ZNF469: variants seen among roughly 807,000 people sequenced by gnomAD.
The protein encoded by ZNF469 is zinc finger protein 469.
In ZNF469, 1 loss-of-function variant was observed where a neutral mutation model predicts 1.0. That is an observed-to-expected ratio of 1.00 (90% CI 0.35 to 4.73). The LOEUF (loss-of-function observed/expected upper bound fraction) is 4.73, where lower values mean the gene tolerates loss of function less well. ZNF469 is among the 30% of genes most tolerant of loss of function. The pLI is 0.16. For missense variants in ZNF469, 6,100 were observed against 5,356.3 expected, an observed-to-expected ratio of 1.14 and a Z score of -4.33; for synonymous variants, 2,703 against 2,363.4, an observed-to-expected ratio of 1.14 and a Z score of -4.17.
At chr16:88,209,667 T>C in the ZNF469 span, among the ~76,000 whole-genome samples, 1 of 152,200 alleles carries the variant, frequency 6.6e-6, no homozygotes, top group South Asian at 2.1e-4. Context: ...ATGTTAGAGA[T>C]AGTCTTTTAC....
upstream of ZNF469, among the ~76,000 whole-genome samples, chr16:88,379,950 G>T (rs915731154): frequency 2.0e-5 from 3 of 152,176 alleles, no homozygotes; most frequent in Non-Finnish European, 4.4e-5. Context: ...TGTGAGCATG[G>T]ACTCTGAGTG....
the ZNF469 span, among the ~76,000 whole-genome samples, chr16:88,117,175 A>ATGTGAGGGCCGGGGATG: frequency 1.8e-5 from 1 of 55,060 alleles, no homozygotes; most frequent in African/African-American, 4.1e-5. Context: ...AACTGGGGGC[A>ATGTGAGGGCCGGGGATG]TGTGAGGGCC....
the ZNF469 span, among the ~76,000 whole-genome samples, chr16:88,249,429 CTTTTTTTTTTTTT>C: frequency 1.4e-4 from 9 of 63,634 alleles, no homozygotes; most frequent in African/African-American, 1.7e-4. Flanking sequence ...TTTTCTTTTT[CTTTTTTTTTTTTT>C]TTTTTTTTTT....
the ZNF469 span, among the ~76,000 whole-genome samples, chr16:88,300,046 G>A: frequency 6.6e-6 from 1 of 152,224 alleles, no homozygotes; most frequent in African/African-American, 2.4e-5. Context: ...ATTTGCGGAT[G>A]AGGAAGGAAC....
At chr16:88,192,841 A>G in the ZNF469 span, among the ~76,000 whole-genome samples, 10 of 52,956 alleles carry the variant, frequency 1.9e-4, no homozygotes, top group Non-Finnish European at 3.4e-4. Flanking sequence ...GGTGATGACA[A>G]TGATGATAAT....
upstream of ZNF469, among the ~76,000 whole-genome samples, chr16:88,381,793 T>C (rs2092526007): frequency 6.6e-6 from 1 of 152,202 alleles, no homozygotes; most frequent in Non-Finnish European, 1.5e-5. Flanking sequence ...CCCACTGCCA[T>C]GTGCAGTTCC....
chr16:88,202,542 G>A, the ZNF469 span, among the ~76,000 whole-genome samples: 5 of 152,208 alleles, frequency 3.3e-5, no homozygotes, highest in Non-Finnish European at 7.3e-5. Context: ...CTCCCAGGCA[G>A]ACCCAGGGCG....
the ZNF469 span, among the ~76,000 whole-genome samples, chr16:88,217,198 T>G: frequency 6.6e-6 from 1 of 152,240 alleles, no homozygotes; most frequent in Non-Finnish European, 1.5e-5. Context: ...CAGCTGATGC[T>G]ATTTTCCCAC....
chr16:88,409,644 C>T (rs1455260080), intron 1 of ZNF469, among the ~76,000 whole-genome samples: 1 of 152,196 alleles, frequency 6.6e-6, no homozygotes, highest in Non-Finnish European at 1.5e-5. Context: ...GCTATATGAG[C>T]GTGTGCACTC....
the ZNF469 span, among the ~76,000 whole-genome samples, chr16:88,231,110 C>A: frequency 1.3e-5 from 2 of 152,308 alleles, no homozygotes; most frequent in East Asian, 1.9e-4. This position sits in a 1 kb window ranked among gnomAD's most constrained non-coding sequence, Gnocchi z 4.5. Context: ...GACGGTGGCT[C>A]CTGGTGGTCA....
intron 1 of ZNF469, among the ~76,000 whole-genome samples, chr16:88,383,841 C>A (rs1459178494): frequency 6.6e-6 from 1 of 152,176 alleles, no homozygotes; most frequent in African/African-American, 2.4e-5. Context: ...GCCGCACCCC[C>A]GCCCAGCCCC....
the ZNF469 span, among the ~76,000 whole-genome samples, chr16:88,254,839 CAA>C: frequency 7.0e-6 from 1 of 143,246 alleles, no homozygotes. Flanking sequence ...TCGACTTCCA[CAA>C]AAAAAAAAAT....
Position 88,409,802 on chromosome 16 carries a change from A to G in ZNF469, c.-191-15005A>G, listed in dbSNP as rs981101770. 2.0e-5 allele frequency among the ~76,000 whole-genome samples: 3 copies of G among 147,104 alleles called. No homozygotes were observed. The Admixed American group carries it at 2.1e-4, about 10-fold the overall frequency. Reference sequence around the variant, plus strand: ...CAGGCAGCTTGGGCAGAGTGATCAGAGGTCCTCGCTCAGTGGCCTGTGAGC... The same window carrying G: ...CAGGCAGCTTGGGCAGAGTGATCAGGGGTCCTCGCTCAGTGGCCTGTGAGC... On this transcript the variant is annotated intron_variant, in intron 1 of 2. Coordinates refer to ENST00000565624, the MANE Select transcript of ZNF469 (RefSeq NM_001367624.2).
rs886052393 is a variant in ZNF469 at position 88,429,352 on chromosome 16, C to T, written c.1882C>T (p.Pro628Ser). The T allele has an allele frequency of 2.6e-6, 4 of 1,549,700 alleles. No individual in the cohort carries two copies. The highest frequency in any genetic ancestry group is 2.0e-5 in the Admixed American group (1 of 50,974). ...PSSEESQLPG[P>S]LGPSAFFHPP... ...CTCAGAGGAAAGCCAGCTCCCCGGC[C>T]CCCTCGGGCCCTCGGCCTTCTTCCA... The change falls in exon 3 of 3, where the codon CCC becomes TCC. Residue 628 changes from proline (P) to serine (S), a missense_variant. Transcript: ENST00000565624.
chr16:88,292,425 C>T, the ZNF469 span, among the ~76,000 whole-genome samples: 1 of 152,160 alleles, frequency 6.6e-6, no homozygotes, highest in East Asian at 1.9e-4. Context: ...CCTCCACCCT[C>T]CCATCTATGA....
chr16:88,137,765 GCTT>G, the ZNF469 span, among the ~76,000 whole-genome samples: 1 of 152,234 alleles, frequency 6.6e-6, no homozygotes, highest in Admixed American at 6.5e-5. Flanking sequence ...TAGAGGAAGA[GCTT>G]CTTTACAACT....
chr16:88,329,413 C>G, the ZNF469 span, among the ~76,000 whole-genome samples: 5 of 152,240 alleles, frequency 3.3e-5, no homozygotes, highest in African/African-American at 7.2e-5. Context: ...CGCTGCCTAG[C>G]GGAAGCCCCC....
chr16:88,399,967 C>T (rs527997512), intron 1 of ZNF469, among the ~76,000 whole-genome samples: 22 of 152,332 alleles, frequency 1.4e-4, no homozygotes, highest in Admixed American at 1.4e-3. Flanking sequence ...GCGGGTCACT[C>T]CACCTCCCTG....
At chr16:88,364,922 G>A in the ZNF469 span, among the ~76,000 whole-genome samples, 2 of 152,126 alleles carry the variant, frequency 1.3e-5, no homozygotes, top group South Asian at 2.1e-4. Flanking sequence ...CCAAGATCAC[G>A]CCACTGCACT....
Sources: gnomAD v4.1 joint callset for allele counts (sites outside exome capture counted in the v4.1 genomes callset) on GRCh38, gnomAD v4.1.1 for gene constraint, Gnocchi (gnomAD v3.1) non-coding constraint, MANE v1.5 for transcripts, NCBI Gene and HGNC (gene_info 2026-07-23, HGNC 2026-07-21) for gene names.